The following WWOX variants were observed in gnomAD, a reference collection of about 807,000 sequenced individuals.
WWOX encodes the protein WW domain-containing oxidoreductase.
WWOX carries 69 observed loss-of-function variants against 46.2 expected under a neutral mutation model. The ratio of observed to expected loss-of-function variants is 1.49; its 90% CI spans 1.23 to 1.82. WWOX has a LOEUF of 1.82. Among genes scored for constraint, WWOX ranks in the 40% most tolerant of loss-of-function variants. WWOX has a pLI of 0.00. For synonymous variants in WWOX, 359 were observed against 202.6 expected, an observed-to-expected ratio of 1.77 and a Z score of -6.56; for missense variants, 919 against 542.6, an observed-to-expected ratio of 1.69 and a Z score of -6.89.
At chr16:78,804,154 C>G (rs2293899) in intron 8 of WWOX, among the ~76,000 whole-genome samples, 53,754 of 151,922 alleles carry the variant, frequency 0.35, 10,154 homozygotes, top group Middle Eastern at 0.53. Flanking sequence ...GCTGTCACAA[C>G]TTTTTAATAA....
intron 4 of WWOX, among the ~76,000 whole-genome samples, chr16:78,155,682 AAAGTT>A (rs1567603179): frequency 6.6e-6 from 1 of 152,220 alleles, no homozygotes; most frequent in Non-Finnish European, 1.5e-5. Context: ...ACATTGTCAT[AAAGTT>A]AATTTTTTAT....
intron 8 of WWOX, among the ~76,000 whole-genome samples, chr16:78,440,818 C>A (rs2083428375): frequency 6.6e-6 from 1 of 152,138 alleles, no homozygotes; most frequent in Non-Finnish European, 1.5e-5. Context: ...GGGGTTTCAA[C>A]ATGTTGGCCA....
chr16:78,692,518 GTTCTAAGAC>G (rs1184723084), intron 8 of WWOX, among the ~76,000 whole-genome samples: 1 of 152,134 alleles, frequency 6.6e-6, no homozygotes, highest in Non-Finnish European at 1.5e-5. Context: ...CTGCCTTTGG[GTTCTAAGAC>G]GTCCAAGGAG....
intron 8 of WWOX, among the ~76,000 whole-genome samples, chr16:78,520,386 G>T (rs1166970709): frequency 2.0e-5 from 3 of 152,184 alleles, no homozygotes; most frequent in Non-Finnish European, 4.4e-5. Flanking sequence ...TGATTTTCAT[G>T]TCTCGAAGAC....
intron 8 of WWOX, chr16:78,891,624 A>T (rs1006972224): frequency 5.9e-5 from 9 of 152,216 alleles, no homozygotes; most frequent in Non-Finnish European, 8.8e-5. Context: ...AGTTACTGCA[A>T]CTTTTTCAAG....
At chr16:78,314,904 C>T (rs1039090263) in intron 5 of WWOX, among the ~76,000 whole-genome samples, 1 of 151,932 alleles carries the variant, frequency 6.6e-6, no homozygotes, top group Non-Finnish European at 1.5e-5. Context: ...GCAACCTTCC[C>T]TCACCTTTGT....
At chr16:78,445,200 C>T (rs1451765444) in intron 8 of WWOX, among the ~76,000 whole-genome samples, 1 of 152,158 alleles carries the variant, frequency 6.6e-6, no homozygotes, top group Non-Finnish European at 1.5e-5. Context: ...AGAAGCCATT[C>T]TTTCAGCCTG....
At chr16:78,784,175 A>G (rs1044605405) in intron 8 of WWOX, among the ~76,000 whole-genome samples, 2 of 152,236 alleles carry the variant, frequency 1.3e-5, no homozygotes, top group Non-Finnish European at 2.9e-5. Flanking sequence ...TTTCCCATGT[A>G]ACGTGCACAT....
At chr16:78,935,701 C>G (rs369852023) in intron 8 of WWOX, among the ~76,000 whole-genome samples, 31 of 151,932 alleles carry the variant, frequency 2.0e-4, no homozygotes, top group African/African-American at 7.5e-4. Context: ...CACATGTATA[C>G]TTATGTAACA....
chr16:79,091,873 T>C (rs1471584003), intron 8 of WWOX, among the ~76,000 whole-genome samples: 2 of 144,396 alleles, frequency 1.4e-5, no homozygotes, highest in African/African-American at 5.2e-5. Context: ...CTCCACTTCC[T>C]GGGTTCAAGT....
chr16:78,315,561 A>C (rs983876588), intron 5 of WWOX, among the ~76,000 whole-genome samples: 2 of 152,098 alleles, frequency 1.3e-5, no homozygotes, highest in Non-Finnish European at 2.9e-5. Context: ...GAGGCAGGCG[A>C]ATCGCTTGAA....
At chr16:78,446,685 G>A (rs5019140) in intron 8 of WWOX, among the ~76,000 whole-genome samples, 10,553 of 100,452 alleles carry the variant, frequency 0.11, 583 homozygotes, top group African/African-American at 0.29. Flanking sequence ...TTTTTTTGAG[G>A]TGGAATCTCC....
intron 8 of WWOX, among the ~76,000 whole-genome samples, chr16:79,196,705 C>A (rs891063812): frequency 6.6e-6 from 1 of 152,074 alleles, no homozygotes; most frequent in Admixed American, 6.6e-5. Context: ...GATCCTGTCT[C>A]CCCCAATGAG....
chr16:79,201,823 T>C (rs2051358808), intron 8 of WWOX, among the ~76,000 whole-genome samples: 1 of 152,168 alleles, frequency 6.6e-6, no homozygotes, highest in Admixed American at 6.5e-5. Flanking sequence ...ATGTAATTTG[T>C]CAGAGGAAGG....
intron 8 of WWOX, among the ~76,000 whole-genome samples, chr16:78,973,570 G>C (rs561277698): frequency 3.3e-5 from 5 of 152,134 alleles, no homozygotes; most frequent in Admixed American, 6.6e-5. Context: ...TGGGGGCAGG[G>C]GGCACAGTTT....
At chr16:78,404,385 G>A (rs1276695192) in intron 6 of WWOX, among the ~76,000 whole-genome samples, 3 of 151,928 alleles carry the variant, frequency 2.0e-5, no homozygotes, top group African/African-American at 7.3e-5. Context: ...ATCCTTCAGG[G>A]GTTTGGGGCC....
intron 8 of WWOX, chr16:78,691,240 A>G (rs891829450): frequency 1.4e-6 from 1 of 702,050 alleles, no homozygotes; most frequent in Non-Finnish European, 2.6e-6. Context: ...TTGTGATTCC[A>G]GGTTTCAGAC....
chr16:78,725,009 A>T (rs2048791590), intron 8 of WWOX, among the ~76,000 whole-genome samples: 4 of 152,066 alleles, frequency 2.6e-5, no homozygotes, highest in South Asian at 2.1e-4. Flanking sequence ...TCCCCACCCA[A>T]ATCTCATCTT....
chr16:78,495,421 G>A (rs559431199), intron 8 of WWOX, among the ~76,000 whole-genome samples: 17 of 151,770 alleles, frequency 1.1e-4, no homozygotes, highest in South Asian at 6.3e-4. Context: ...GATTACAGGC[G>A]TGAGCCACTG....
Sources: gnomAD v4.1 joint callset for allele counts (sites outside exome capture counted in the v4.1 genomes callset) on GRCh38, gnomAD v4.1.1 for gene constraint, MANE v1.5 for transcripts, NCBI Gene and HGNC (gene_info 2026-07-23, HGNC 2026-07-21) for gene names.